OXNAD1: variants seen among roughly 807,000 people sequenced by gnomAD.
The protein encoded by OXNAD1 is oxidoreductase NAD binding domain containing 1.
OXNAD1 carries 34 observed loss-of-function variants against 32.9 expected under a neutral mutation model. The observed-to-expected ratio is 1.03, with a 90% CI of 0.79 to 1.38. The LOEUF (loss-of-function observed/expected upper bound fraction) is 1.38. Ranked by LOEUF, OXNAD1 falls within the 40% of genes most tolerant of loss-of-function variation. The probability of loss-of-function intolerance (pLI) is 0.00; values close to 1 mark genes in which losing one functional copy is unlikely to be tolerated. For missense variants in OXNAD1, 407 were observed against 379.4 expected (o/e 1.07, Z -0.60); for synonymous variants, 134 against 135.2 (o/e 0.99, Z 0.06).
Position 16,316,507 on chromosome 3 carries a change from G to C in OXNAD1, c.*30+12915G>C, listed in dbSNP as rs2068411125. 1.9e-5 allele frequency: 7 copies of C among 374,086 alleles called. No homozygotes were observed. Among genetic ancestry groups the C allele is most frequent in the South Asian group, 1.6e-4 (6 of 37,054 alleles). 23.2% of individuals were successfully genotyped at this position (374,086 alleles called of 1,614,324 possible). ...TGCTCCCTGGAGGCCCTGTGGCGAG[G>C]ACAGGCACTGGATGGTCCAGACCCT... On this transcript the variant is annotated intron_variant, in intron 9 of 9. Transcript: ENST00000435829. This position sits in a 1 kb window ranked among gnomAD's most constrained non-coding sequence, Gnocchi z 4.5.
chr3:16,311,011 A>AAAAAAAAAAAAAG (rs1472119686), downstream of OXNAD1, among the ~76,000 whole-genome samples: 1 of 136,178 alleles, frequency 7.3e-6, no homozygotes, highest in African/African-American at 3.1e-5. Flanking sequence ...AAAAAAAAAA[A>AAAAAAAAAAAAAG]AAATCATCTG....
downstream of OXNAD1, among the ~76,000 whole-genome samples, chr3:16,307,208 A>C (rs1040458837): frequency 3.9e-5 from 6 of 152,328 alleles, no homozygotes; most frequent in Middle Eastern, 6.8e-3. Flanking sequence ...TTATGAACTC[A>C]TGGCTTTTTA....
chr3:16,349,194 C>T (rs950447954), exon 10 of OXNAD1: 1 of 152,348 alleles, frequency 6.6e-6, no homozygotes, highest in African/African-American at 2.4e-5. Flanking sequence ...TACTAGCGGC[C>T]ATCTCCAGAG....
At chr3:16,324,281 G>T (rs892112981) in intron 9 of OXNAD1, among the ~76,000 whole-genome samples, 10 of 152,292 alleles carry the variant, frequency 6.6e-5, no homozygotes, top group African/African-American at 1.9e-4. Context: ...AGCACTTTTT[G>T]TGGTGAAAAC....
rs374067478 is a variant in OXNAD1 at position 16,317,281 on chromosome 3, G to C, written c.*30+13689G>C. ...TAAATAACAAGCCTCCGGGAACCCA[G>C]AGCTTCACCCAAAGCCTTGTTTGCA... On this transcript the variant is annotated intron_variant, in intron 9 of 9. Coordinates refer to the OXNAD1 transcript ENST00000435829. This position sits in a 1 kb window ranked among gnomAD's most constrained non-coding sequence, Gnocchi z 4.3. 6.9e-6 allele frequency: 11 copies of C among 1,588,278 alleles called. No homozygotes were observed. Among genetic ancestry groups the C allele is most frequent in the Non-Finnish European group, 9.4e-6 (11 of 1,170,152 alleles).
At chr3:16,293,587 AG>A (rs1160063999) in intron 5 of OXNAD1, among the ~76,000 whole-genome samples, 2 of 150,858 alleles carry the variant, frequency 1.3e-5, no homozygotes, top group African/African-American at 2.5e-5. Flanking sequence ...TGTTTCTCTT[AG>A]GGGGGAAACT....
rs546971064 is a variant in OXNAD1 at position 16,290,189 on chromosome 3, C to A, written c.290+3741C>A. Among the ~76,000 whole-genome samples, 1 of 152,328 alleles carries A rather than the reference C, an allele frequency of 6.6e-6. No individual in the cohort carries two copies. Among genetic ancestry groups the A allele is most frequent in the South Asian group, 2.1e-4 (1 of 4,826 alleles). On this transcript the variant is annotated intron_variant, in intron 5 of 8. Transcript: ENST00000285083. The surrounding 1 kb of genome is among the most constrained non-coding windows in gnomAD (Gnocchi z 4.2). ...CGCGCACCTAGGCTCCTTCTGCATACACTCACTCATTGGGTATATAGTAAG... is the reference window on the plus strand; with the variant it reads ...CGCGCACCTAGGCTCCTTCTGCATAAACTCACTCATTGGGTATATAGTAAG...
At chr3:16,292,152 T>C (rs2066471114) in intron 5 of OXNAD1, among the ~76,000 whole-genome samples, 1 of 151,816 alleles carries the variant, frequency 6.6e-6, no homozygotes, top group African/African-American at 2.4e-5. Flanking sequence ...AGATATATTA[T>C]TTAAAAATAT....
At chr3:16,292,244 C>T (rs375410731) in intron 5 of OXNAD1, among the ~76,000 whole-genome samples, 4 of 147,842 alleles carry the variant, frequency 2.7e-5, no homozygotes, top group South Asian at 2.1e-4. Context: ...CAGGCTGGAG[C>T]GCAGTGGCAC....
intron 4 of OXNAD1, chr3:16,276,122 G>C (rs1437553653): frequency 5.7e-6 from 1 of 176,460 alleles, no homozygotes; most frequent in Non-Finnish European, 1.2e-5. Context: ...AACAGAGTAA[G>C]ACTCTGTCTC....
In OXNAD1 at chr3:16,299,667, A is replaced by G. The variant is rs187799421; in HGVS notation, c.433-1959A>G. ...CAGAAGTACCTACTGCTCACCTGAC[A>G]TGCAAGGTGCCAAGGTGTGAATGCT... On this transcript the variant is annotated intron_variant, in intron 6 of 8. Coordinates refer to ENST00000285083, the MANE Select transcript of OXNAD1 (RefSeq NM_138381.5). The surrounding 1 kb of genome is among the most constrained non-coding windows in gnomAD (Gnocchi z 4.4). Among the ~76,000 whole-genome samples the G allele has an allele frequency of 2.0e-5, 3 of 152,374 alleles. No homozygotes were observed. The highest frequency in any genetic ancestry group is 1.9e-4 in the East Asian group (1 of 5,192).
At position 16,317,358 on chromosome 3, in the gene OXNAD1, G is replaced by T; in HGVS notation, c.*30+13766G>T. ...GACATACAATTCCCAGCATCCCCCA[G>T]CCAGGCAGTACAGGCACCAAACTTG... On this transcript the variant is annotated intron_variant, in intron 9 of 9. Transcript: ENST00000435829. The surrounding 1 kb of genome is among the most constrained non-coding windows in gnomAD (Gnocchi z 4.3). 2.0e-6 allele frequency: 2 copies of T among 1,015,246 alleles called. No individual in the cohort carries two copies. The highest frequency in any genetic ancestry group is 2.9e-6 in the Non-Finnish European group (2 of 693,648). 62.9% of individuals were successfully genotyped at this position (1,015,246 alleles called of 1,614,324 possible).
rs768732967 is a variant in OXNAD1, at chr3:16,302,621, A to G, written c.676-19A>G. ...ATTTTTTAAAATTGTAGTGTGACCA[A>G]ATATGTTTGACATTCCAGAAAAATA... On this transcript the variant is annotated intron_variant, in intron 7 of 8. Transcript: ENST00000285083. This position sits in a 1 kb window ranked among gnomAD's most constrained non-coding sequence, Gnocchi z 4.2. 5.1e-6 allele frequency: 8 copies of G among 1,559,058 alleles called. No homozygotes were observed. Among genetic ancestry groups the G allele is most frequent in the Non-Finnish European group, 6.2e-6 (7 of 1,134,088 alleles).
At chr3:16,328,002 C>G (rs1480606940) in intron 9 of OXNAD1, among the ~76,000 whole-genome samples, 1 of 152,214 alleles carries the variant, frequency 6.6e-6, no homozygotes, top group Non-Finnish European at 1.5e-5. Context: ...AAATCTCAAA[C>G]ATGTATCCAG....
rs2066207623 is a variant in OXNAD1, at chr3:16,288,327, A to G, written c.290+1879A>G. Among the ~76,000 whole-genome samples, 1 of 152,202 alleles carries G rather than the reference A, an allele frequency of 6.6e-6. No individual in the cohort carries two copies. Among genetic ancestry groups the G allele is most frequent in the African/African-American group, 2.4e-5 (1 of 41,452 alleles). On this transcript the variant is annotated intron_variant, in intron 5 of 8. Coordinates refer to ENST00000285083, the MANE Select transcript of OXNAD1 (RefSeq NM_138381.5). The surrounding 1 kb of genome is among the most constrained non-coding windows in gnomAD (Gnocchi z 5.1). ...AGGATTATCAGACTGGAGAGCTGCT[A>G]GAAATCAAGGAGAGGGTTGCTGTTG... is the stretch of plus-strand genomic sequence containing the variant.
In OXNAD1 at chr3:16,301,432, G is replaced by A. The variant is rs2067172932; in HGVS notation, c.433-194G>A. 1.3e-5 allele frequency among the ~76,000 whole-genome samples: 2 copies of A among 152,310 alleles called. No individual in the cohort carries two copies. Among genetic ancestry groups the A allele is most frequent in the African/African-American group, 4.8e-5 (2 of 41,568 alleles). ...ATGGCTGTTCATTATGGATTACGAA[G>A]GTGGATTAGCCTGTGGCCTATAAAA... On this transcript the variant is annotated intron_variant, in intron 6 of 8. Transcript: ENST00000285083. This position sits in a 1 kb window ranked among gnomAD's most constrained non-coding sequence, Gnocchi z 4.1.
At chr3:16,325,172 C>T (rs1375301657) in intron 9 of OXNAD1, among the ~76,000 whole-genome samples, 3 of 152,206 alleles carry the variant, frequency 2.0e-5, no homozygotes, top group African/African-American at 7.2e-5. Context: ...GGTGAATTCA[C>T]ACATAATGGC....
intron 9 of OXNAD1, among the ~76,000 whole-genome samples, chr3:16,313,263 G>A (rs1222958433): frequency 2.2e-5 from 3 of 137,664 alleles, no homozygotes; most frequent in Non-Finnish European, 4.5e-5. Context: ...GGCTGGTCTC[G>A]AACTCCTGAG....
In OXNAD1 at chr3:16,284,541, A is replaced by G. The variant is rs1164488004; in HGVS notation, c.184-1801A>G. Among the ~76,000 whole-genome samples, 1 of 152,230 alleles carries G rather than the reference A, an allele frequency of 6.6e-6. No individual in the cohort carries two copies. The highest frequency in any genetic ancestry group is 6.5e-5 in the Admixed American group (1 of 15,282). On this transcript the variant is annotated intron_variant, in intron 4 of 8. Transcript: ENST00000285083. The surrounding 1 kb of genome is among the most constrained non-coding windows in gnomAD (Gnocchi z 4.1). ...TATTTGTGTGTCTAAACATAGAAAA[A>G]TAGTAAAAATCTGGTATTATGGGAT...
Sources: allele counts gnomAD v4.1 joint callset (sites outside exome capture counted in the v4.1 genomes callset), GRCh38; gene constraint gnomAD v4.1.1; non-coding constraint Gnocchi (gnomAD v3.1); transcripts MANE v1.5; gene names NCBI Gene and HGNC (gene_info 2026-07-23, HGNC 2026-07-21).